Variants in SORCS3 observed in about 807,000 individuals in gnomAD.
SORCS3 encodes sortilin related VPS10 domain containing receptor 3, also known as VPS10 domain-containing receptor SorCS3.
Under a neutral mutation model 146.3 loss-of-function variants are expected in SORCS3, and 57 were observed. The observed-to-expected ratio is 0.39, with a 90% CI of 0.31 to 0.49. The LOEUF (loss-of-function observed/expected upper bound fraction) is 0.49, where lower values mean the gene tolerates loss of function less well. Ranked by LOEUF, SORCS3 falls within the 20% of genes least tolerant of loss-of-function variation. The probability of loss-of-function intolerance (pLI) is 0.92; values close to 1 mark genes in which losing one functional copy is unlikely to be tolerated. For synonymous variants in SORCS3, 653 were observed against 618.5 expected, an observed-to-expected ratio of 1.06 and a Z score of -0.83; for missense variants, 1,341 against 1,575.5, an observed-to-expected ratio of 0.85 and a Z score of 2.52.
chr10:105,220,596 G>T (rs1229125186), intron 19 of SORCS3, among the ~76,000 whole-genome samples: 1 of 152,152 alleles, frequency 6.6e-6, no homozygotes, highest in African/African-American at 2.4e-5. Flanking sequence ...GAGAAGCAGT[G>T]ACTTTGAAGG....
At chr10:105,081,447 A>G (rs897923012) in intron 5 of SORCS3, among the ~76,000 whole-genome samples, 3 of 152,156 alleles carry the variant, frequency 2.0e-5, no homozygotes, top group Non-Finnish European at 2.9e-5. Flanking sequence ...TTTCTGGTCT[A>G]TGGCATGAAT....
At chr10:104,993,253 G>A (rs2055005188) in intron 4 of SORCS3, among the ~76,000 whole-genome samples, 1 of 152,320 alleles carries the variant, frequency 6.6e-6, no homozygotes, top group Non-Finnish European at 1.5e-5. Context: ...TCTGGTTGGC[G>A]CTGTTGCCGA....
At chr10:105,036,588 A>G (rs1052024513) in intron 4 of SORCS3, among the ~76,000 whole-genome samples, 1 of 152,182 alleles carries the variant, frequency 6.6e-6, no homozygotes, top group Admixed American at 6.5e-5. Flanking sequence ...CTGGGTACCC[A>G]GAGCTTAGAA....
chr10:104,801,349 A>G (rs1282488444), intron 1 of SORCS3, among the ~76,000 whole-genome samples: 1 of 152,256 alleles, frequency 6.6e-6, no homozygotes, highest in Non-Finnish European at 1.5e-5. Context: ...CTGCAGCCCA[A>G]CAGATCTTTG....
At chr10:105,165,423 T>G (rs74961454) in intron 12 of SORCS3, among the ~76,000 whole-genome samples, 27 of 152,216 alleles carry the variant, frequency 1.8e-4, no homozygotes, top group Middle Eastern at 3.4e-3. Flanking sequence ...TTAGACAAGT[T>G]CCTGTTTGGA....
chr10:105,083,261 G>T (rs1232794791), intron 5 of SORCS3, among the ~76,000 whole-genome samples: 1 of 148,286 alleles, frequency 6.7e-6, no homozygotes, highest in African/African-American at 2.5e-5. Context: ...CTTTCTAGGA[G>T]TTTTTTTTTT....
intron 8 of SORCS3, among the ~76,000 whole-genome samples, chr10:105,141,261 G>A (rs1016334109): frequency 1.3e-5 from 2 of 152,056 alleles, no homozygotes; most frequent in Non-Finnish European, 2.9e-5. Flanking sequence ...AATGCCATCC[G>A]CTTAGTCCCT....
chr10:105,175,214 ATTTTTTTTTT>A (rs71482448), intron 13 of SORCS3, among the ~76,000 whole-genome samples: 1 of 134,640 alleles, frequency 7.4e-6, no homozygotes, highest in African/African-American at 2.8e-5. Context: ...TGCTTGGCTA[ATTTTTTTTTT>A]TTTTTTTTTT....
chr10:105,046,701 A>G (rs760790610), intron 5 of SORCS3, among the ~76,000 whole-genome samples: 6 of 152,158 alleles, frequency 3.9e-5, no homozygotes, highest in Non-Finnish European at 8.8e-5. Context: ...ATTTTTATGA[A>G]TTCTGGATGT....
At chr10:105,159,120 A>G in intron 11 of SORCS3, 126 bp downstream of exon 11, 1 of 631,996 alleles carries the variant, frequency 1.6e-6, no homozygotes, top group South Asian at 1.9e-5. Context: ...CCCAGAAAAT[A>G]TGCAGGGTTC....
intron 7 of SORCS3, among the ~76,000 whole-genome samples, chr10:105,127,430 C>A (rs2055983960): frequency 6.6e-6 from 1 of 152,040 alleles, no homozygotes. Flanking sequence ...TTGAGCTTGG[C>A]TTTAAGTCTT....
chr10:105,007,145 T>G (rs1216941691), intron 4 of SORCS3, among the ~76,000 whole-genome samples: 2 of 152,210 alleles, frequency 1.3e-5, no homozygotes, highest in Non-Finnish European at 2.9e-5. Context: ...GTTAGTGACT[T>G]CCTTTCATCC....
intron 5 of SORCS3, among the ~76,000 whole-genome samples, chr10:105,086,159 A>G (rs952519037): frequency 2.0e-5 from 3 of 152,230 alleles, no homozygotes; most frequent in African/African-American, 7.2e-5. Flanking sequence ...CCTGATCACC[A>G]TAGCCAAGAT....
At chr10:104,701,229 A>G (rs930860443) in intron 1 of SORCS3, among the ~76,000 whole-genome samples, 2 of 152,220 alleles carry the variant, frequency 1.3e-5, no homozygotes, top group African/African-American at 4.8e-5. Flanking sequence ...AAGTGCAGTT[A>G]ATACATCCTT....
chr10:105,015,628 C>T (rs901271453), intron 4 of SORCS3, among the ~76,000 whole-genome samples: 3 of 152,102 alleles, frequency 2.0e-5, no homozygotes, highest in Admixed American at 6.5e-5. Flanking sequence ...AGCAAAGAGA[C>T]GATGGGGACA....
At chr10:104,858,645 G>A (rs1233387101) in intron 2 of SORCS3, among the ~76,000 whole-genome samples, 2 of 146,984 alleles carry the variant, frequency 1.4e-5, no homozygotes, top group African/African-American at 2.5e-5. Context: ...TTTTTGAGAC[G>A]GAGTCTCGCT....
intron 1 of SORCS3, among the ~76,000 whole-genome samples, chr10:104,840,104 G>A (rs1191269178): frequency 6.6e-6 from 1 of 152,170 alleles, no homozygotes; most frequent in Non-Finnish European, 1.5e-5. Flanking sequence ...TTGGCAAGAG[G>A]TAGCAATGGA....
chr10:104,995,303 G>A (rs749121173), intron 4 of SORCS3, among the ~76,000 whole-genome samples: 3 of 151,832 alleles, frequency 2.0e-5, no homozygotes, highest in Non-Finnish European at 4.4e-5. Context: ...GGGATCACAG[G>A]TGCACGCCAC....
chr10:104,683,309 C>T lies in SORCS3; in HGVS notation c.627+41355C>T, dbSNP rs181054074. On this transcript the variant is annotated intron_variant, in intron 1 of 26. Transcript: ENST00000369701. ...GCCTCTTGGTCTTAGAGACAGGATA[C>T]ACTTCTCAGGGCTAAAGTGCCCAAG... Among the ~76,000 whole-genome samples, 505 of 152,324 alleles carry T rather than the reference C, an allele frequency of 3.3e-3. 7 individuals carry two copies. The highest frequency in any genetic ancestry group is 0.011 in the African/African-American group (453 of 41,568).
Sources: gnomAD v4.1 joint callset for allele counts (sites outside exome capture counted in the v4.1 genomes callset) on GRCh38, gnomAD v4.1.1 for gene constraint, MANE v1.5 for transcripts, NCBI Gene and HGNC (gene_info 2026-07-23, HGNC 2026-07-21) for gene names.